SMURF2: variants seen among roughly 807,000 people sequenced by gnomAD.
The protein encoded by SMURF2 is E3 ubiquitin-protein ligase SMURF2.
SMURF2 carries 48 observed loss-of-function variants against 109.6 expected under a neutral mutation model. The ratio of observed to expected loss-of-function variants is 0.44; its 90% confidence interval spans 0.35 to 0.56. The LOEUF (loss-of-function observed/expected upper bound fraction) is 0.56, where lower values mean the gene tolerates loss of function less well. Among genes scored for constraint, SMURF2 ranks in the 20% least tolerant of loss-of-function variants. The probability of loss-of-function intolerance (pLI) is 0.01; values close to 1 mark genes in which losing one functional copy is unlikely to be tolerated. For synonymous variants in SMURF2, 288 were observed against 317.1 expected (o/e 0.91, Z 0.97); for missense variants, 575 against 909.0 (o/e 0.63, Z 4.72).
chr17:64,656,248 C>CAATT (rs1970703772), intron 1 of SMURF2, among the ~76,000 whole-genome samples: 1 of 152,070 alleles, frequency 6.6e-6, no homozygotes, highest in South Asian at 2.1e-4. Context: ...AAACAATGAA[C>CAATT]AATATTAAAA....
At chr17:64,636,944 G>A (rs1448619651) in intron 1 of SMURF2, among the ~76,000 whole-genome samples, 1 of 151,984 alleles carries the variant, frequency 6.6e-6, no homozygotes, top group Non-Finnish European at 1.5e-5. Context: ...TCTAGGCTGG[G>A]TGCAGTGGCT....
intron 2 of SMURF2, among the ~76,000 whole-genome samples, chr17:64,605,366 C>T (rs1266932570): frequency 6.6e-6 from 1 of 151,890 alleles, no homozygotes; most frequent in Non-Finnish European, 1.5e-5. Flanking sequence ...AACTTTAATT[C>T]AGGTTCTGCT....
chr17:64,655,010 T>C (rs1970687190), intron 1 of SMURF2, among the ~76,000 whole-genome samples: 1 of 151,806 alleles, frequency 6.6e-6, no homozygotes, highest in African/African-American at 2.4e-5. Flanking sequence ...TACATATAAC[T>C]GCATTCCTAA....
intron 1 of SMURF2, among the ~76,000 whole-genome samples, chr17:64,612,694 A>C (rs1568195139): frequency 6.6e-6 from 1 of 151,986 alleles, no homozygotes; most frequent in African/African-American, 2.4e-5. Context: ...CCCCTCAAAA[A>C]AATCTTATTT....
At position 64,662,009 on chromosome 17, in the gene SMURF2, C is replaced by A; in HGVS notation, c.-129G>T. ...GCCTCGGCCGCCACGGCCGGAGGGT[C>A]CCGGATGTGCCGAGAGTCGTCGCCA... On this transcript the variant is annotated 5_prime_UTR_variant, in exon 1 of 19. Transcript: ENST00000262435. The A allele has an allele frequency of 1.8e-6, 2 of 1,112,720 alleles. No homozygotes were observed. The highest frequency in any genetic ancestry group is 2.2e-6 in the Non-Finnish European group (2 of 912,308). 68.9% of individuals were successfully genotyped at this position (1,112,720 alleles called of 1,614,324 possible). A position where few individuals can be genotyped will look rare whatever the true frequency, so the allele number is the denominator to read the frequency against.
intron 1 of SMURF2, among the ~76,000 whole-genome samples, chr17:64,637,444 T>C (rs1179608319): frequency 2.0e-5 from 3 of 152,108 alleles, no homozygotes; most frequent in Non-Finnish European, 2.9e-5. Context: ...AAGAGTCTTA[T>C]GGCTTGCATT....
At chr17:64,564,777 A>G (rs1969277337) in intron 10 of SMURF2, among the ~76,000 whole-genome samples, 2 of 152,198 alleles carry the variant, frequency 1.3e-5, no homozygotes, top group Admixed American at 6.5e-5. Flanking sequence ...ATTATCACTT[A>G]CTATAGAGTC....
At position 64,580,862 on chromosome 17, in the gene SMURF2, G is replaced by A; in HGVS notation, c.699C>T (p.Val233=). 1 of 1,614,138 alleles carries A rather than the reference G, an allele frequency of 6.2e-7. No individual in the cohort carries two copies. The change falls in exon 8 of 19, where the codon GTC becomes GTT. Residue 233 remains valine, a synonymous_variant. Transcript: ENST00000262435. Reference sequence around the variant, plus strand: ...TGTAATTTCTATGTCGTTGTGACCTGACTCTCCTCTCTGCCAGCCTGGGAT... The same window carrying A: ...TGTAATTTCTATGTCGTTGTGACCTAACTCTCCTCTCTGCCAGCCTGGGAT... ...SSDPRLAERR[V]RSQRHRNYMS...
intron 1 of SMURF2, among the ~76,000 whole-genome samples, chr17:64,645,069 G>C (rs1034241748): frequency 3.3e-5 from 5 of 151,488 alleles, no homozygotes; most frequent in Non-Finnish European, 7.4e-5. Context: ...GGGGAAGGAG[G>C]AAGATGGGTA....
Position 64,543,455 on chromosome 17 carries a change from G to A in SMURF2, c.*2393C>T, listed in dbSNP as rs544532406. 6.6e-6 allele frequency: 1 copy of A among 151,988 alleles called. No individual in the cohort carries two copies. The highest frequency in any genetic ancestry group is 1.9e-4 in the East Asian group (1 of 5,164). The allele number at this position is 151,988 out of a possible 1,614,324, so 9.4% of individuals were successfully genotyped here. A position where few individuals can be genotyped will look rare whatever the true frequency, so the allele number is the denominator to read the frequency against. On this transcript the variant is annotated 3_prime_UTR_variant, in exon 19 of 19. Transcript: ENST00000262435. ...TGCCCGGCTAAATTTTGTATTTTTAGTAGAGACAGGGTTTCACCACGTTGG... is the reference window on the plus strand; with the variant it reads ...TGCCCGGCTAAATTTTGTATTTTTAATAGAGACAGGGTTTCACCACGTTGG...
intron 5 of SMURF2, among the ~76,000 whole-genome samples, chr17:64,589,392 G>GT (rs782203785): frequency 0.03 from 4,080 of 134,668 alleles, 60 homozygotes; most frequent in African/African-American, 0.041. Context: ...TTATTTTTGA[G>GT]TTTTTTTTTT....
At position 64,661,920 on chromosome 17, in the gene SMURF2, G is replaced by A. The variant is rs1970785884; in HGVS notation, c.-40C>T. On this transcript the variant is annotated 5_prime_UTR_variant, in exon 1 of 19. Coordinates refer to ENST00000262435, the MANE Select transcript of SMURF2 (RefSeq NM_022739.4). ...GGGCGGCGGGGGCGGCGGGCGGCAC[G>A]GGGGCGACGGCGAGGCGCGGCGGAG... The A allele has an allele frequency of 1.6e-5, 19 of 1,166,984 alleles. No homozygotes were observed. Among genetic ancestry groups the A allele is most frequent in the Non-Finnish European group, 1.9e-5 (18 of 946,646 alleles). The allele number at this position is 1,166,984 out of a possible 1,614,324, so 72.3% of individuals were successfully genotyped here. A position where few individuals can be genotyped will look rare whatever the true frequency, so the allele number is the denominator to read the frequency against.
chr17:64,558,011 G>C (rs1238130191), intron 12 of SMURF2, among the ~76,000 whole-genome samples: 1 of 152,168 alleles, frequency 6.6e-6, no homozygotes, highest in Non-Finnish European at 1.5e-5. Flanking sequence ...CTCACGAGAT[G>C]ATACGGTCCA....
chr17:64,576,017 C>G (rs1235772949), intron 9 of SMURF2, among the ~76,000 whole-genome samples: 1 of 151,858 alleles, frequency 6.6e-6, no homozygotes, highest in African/African-American at 2.4e-5. Flanking sequence ...CTAGCTTGGG[C>G]AACATGGCGT....
At chr17:64,556,342 A>C (rs1190675573) in intron 13 of SMURF2, among the ~76,000 whole-genome samples, 3 of 152,142 alleles carry the variant, frequency 2.0e-5, no homozygotes, top group Non-Finnish European at 4.4e-5. Flanking sequence ...TTTGTCATGA[A>C]AAAAAATCTT....
rs936523239 is a variant in SMURF2 at position 64,578,499 on chromosome 17, C to T, written c.850G>A (p.Val284Met). The T allele has an allele frequency of 2.5e-6, 4 of 1,610,890 alleles. No homozygotes were observed. The highest frequency in any genetic ancestry group is 3.4e-6 in the Non-Finnish European group (4 of 1,177,108). The change falls in exon 9 of 19, where the codon GTG (valine) becomes ATG (methionine). Residue 284 changes from valine to methionine, a missense_variant. Transcript: ENST00000262435. ...TGVSTWHDPR[V>M]PRDLSNINCE... ...CTTAAAATACGTTCTTACCTGGGCA[C>T]TCTTGGATCATGCCATGTGCTCACA...
intron 1 of SMURF2, among the ~76,000 whole-genome samples, chr17:64,609,626 G>A (rs1455190486): frequency 7.8e-6 from 1 of 128,276 alleles, no homozygotes; most frequent in African/African-American, 4.2e-5. Context: ...ATTAACTCGA[G>A]ATACATTAAA....
intron 10 of SMURF2, among the ~76,000 whole-genome samples, chr17:64,568,894 C>G (rs1555685336): frequency 6.6e-6 from 1 of 151,754 alleles, no homozygotes; most frequent in African/African-American, 2.4e-5. Context: ...CCCAGCTACT[C>G]AGGAGGCTGA....
At chr17:64,579,090 G>A (rs1969540831) in intron 8 of SMURF2, among the ~76,000 whole-genome samples, 1 of 152,080 alleles carries the variant, frequency 6.6e-6, no homozygotes. Context: ...GAGATACTGG[G>A]GAGACATTCT....
Sources: allele counts gnomAD v4.1 joint callset (sites outside exome capture counted in the v4.1 genomes callset), GRCh38; gene constraint gnomAD v4.1.1; transcripts MANE v1.5; gene names NCBI Gene and HGNC (gene_info 2026-07-23, HGNC 2026-07-21).